Variants in MROH2B observed in about 807,000 individuals in gnomAD.
MROH2B encodes the protein maestro heat-like repeat-containing protein family member 2B.
A neutral mutation model predicts 208.6 loss-of-function variants in MROH2B; 177 were observed. That is an observed-to-expected ratio of 0.85 (90% confidence interval 0.75 to 0.96). MROH2B has a LOEUF of 0.96. MROH2B is among the 40% of genes least tolerant of loss of function. MROH2B has a pLI of 0.00. For missense variants in MROH2B, 2,002 were observed against 1,878.7 expected (o/e 1.07, Z -1.21); for synonymous variants, 728 against 659.0 (o/e 1.10, Z -1.60).
chr5:41,010,287 T>C (rs1163560996), intron 30 of MROH2B, among the ~76,000 whole-genome samples: 1 of 152,238 alleles, frequency 6.6e-6, no homozygotes, highest in Non-Finnish European at 1.5e-5. Context: ...GGAAACATTT[T>C]GTGAAAGGGT....
Position 41,012,759 on chromosome 5 carries a change from C to T in MROH2B, c.2983-24G>A, listed in dbSNP as rs777349984. On this transcript the variant is annotated intron_variant, in intron 29 of 41. Coordinates refer to ENST00000399564, the MANE Select transcript of MROH2B (RefSeq NM_173489.5). ...ATCTGAAAATGCACCCAGAAAGATT[C>T]GTGTAATCAACCACCCCATTTTATA... 21 of 1,612,096 alleles carry T rather than the reference C, an allele frequency of 1.3e-5. No individual in the cohort carries two copies. In the East Asian group the frequency reaches 2.5e-4, roughly 19 times the overall value.
chr5:41,048,287 G>C, intron 16 of MROH2B, 37 bp downstream of exon 16: 1 of 1,561,364 alleles, frequency 6.4e-7, no homozygotes, highest in Non-Finnish European at 8.6e-7. Flanking sequence ...TTATGTTCTT[G>C]CCCCCTGGGT....
chr5:41,041,173 A>C (rs1047108354), intron 19 of MROH2B, among the ~76,000 whole-genome samples: 1 of 152,250 alleles, frequency 6.6e-6, no homozygotes, highest in African/African-American at 2.4e-5. Flanking sequence ...TCAAAAGTTC[A>C]GTAAAGTCTA....
intron 6 of MROH2B, among the ~76,000 whole-genome samples, chr5:41,059,798 C>T (rs192557958): frequency 6.6e-6 from 1 of 152,198 alleles, no homozygotes; most frequent in East Asian, 1.9e-4. Flanking sequence ...ATATTGATGC[C>T]CTCCAGAACT....
intron 24 of MROH2B, among the ~76,000 whole-genome samples, chr5:41,030,906 A>G (rs1038137950): frequency 2.0e-5 from 3 of 152,130 alleles, no homozygotes; most frequent in Admixed American, 6.6e-5. Flanking sequence ...TTATTTTGCC[A>G]CAATTAAACA....
intron 35 of MROH2B, 199 bp downstream of exon 35, chr5:41,005,332 T>G: frequency 1.8e-6 from 1 of 555,952 alleles, no homozygotes; most frequent in East Asian, 2.8e-5. Flanking sequence ...GGGCAGGAGG[T>G]GGGTGAGGTG....
rs373853650 is a variant in MROH2B at position 41,015,387 on chromosome 5, T to G, written c.2976A>C (p.Ile992=). 122 of 1,613,238 alleles carry G rather than the reference T, an allele frequency of 7.6e-5. No homozygotes were observed. Among genetic ancestry groups the G allele is most frequent in the Non-Finnish European group, 9.9e-5 (117 of 1,179,546 alleles). ...GCCACTCCATATTTATTACCTTAGC[T>G]ATTTTAGAAGAAATCTTGATCTGAA... The part of the protein sequence containing the change: ...VQVQIKISSK[I]AKIVSKFIPN... The change falls in exon 29 of 42, where the codon ATA becomes ATC. Residue 992 remains isoleucine, a synonymous_variant. Transcript: ENST00000399564.
intron 30 of MROH2B, among the ~76,000 whole-genome samples, chr5:41,010,955 G>A (rs1014599138): frequency 6.6e-6 from 1 of 152,134 alleles, no homozygotes; most frequent in Non-Finnish European, 1.5e-5. Flanking sequence ...TAAAAATCAC[G>A]GGAACATGGG....
chr5:41,038,852 C>A lies in MROH2B; in HGVS notation c.2098G>T (p.Asp700Tyr), dbSNP rs774331511. The A allele has an allele frequency of 5.6e-6, 9 of 1,612,416 alleles. No individual in the cohort carries two copies. Among genetic ancestry groups the A allele is most frequent in the Non-Finnish European group, 7.6e-6 (9 of 1,179,282 alleles). Residue 700 changes from aspartate to tyrosine, a missense_variant, in exon 21 of 42, where the codon GAT becomes TAT. Coordinates refer to ENST00000399564, the MANE Select transcript of MROH2B (RefSeq NM_173489.5). ...ACTGCTCCATAGATGACCATGACAT[C>A]TGTCTTGGTCAGGCTCTTTTTCCCA... ...FSGKKSLTKT[D>Y]VMVIYGAVAL...
chr5:41,004,790 G>T lies in MROH2B; in HGVS notation c.3995C>A (p.Ser1332Tyr). 1 of 1,613,818 alleles carries T rather than the reference G, an allele frequency of 6.2e-7. No individual in the cohort carries two copies. The highest frequency in any genetic ancestry group is 8.5e-7 in the Non-Finnish European group (1 of 1,179,852). ...MAIRGLGNTASGAPHKVKKHK... is the reference protein window; with the variant it reads ...MAIRGLGNTAYGAPHKVKKHK... ...GCCTTTTACCTTGTGAGGAGCCCCG[G>T]ATGCTGTGTTGCCGAGCCCTCGGAT... Residue 1332 changes from serine to tyrosine, a missense_variant, in exon 36 of 42, where the codon TCC becomes TAC. Coordinates refer to ENST00000399564, the MANE Select transcript of MROH2B (RefSeq NM_173489.5).
At chr5:41,019,300 T>C (rs193174253) in intron 24 of MROH2B, among the ~76,000 whole-genome samples, 23 of 152,174 alleles carry the variant, frequency 1.5e-4, no homozygotes, top group African/African-American at 5.3e-4. Context: ...ATATGATCTG[T>C]GACAGCATTA....
chr5:41,007,703 A>T (rs1000751440), intron 33 of MROH2B, among the ~76,000 whole-genome samples: 5 of 152,212 alleles, frequency 3.3e-5, no homozygotes, highest in Non-Finnish European at 5.9e-5. Context: ...AAAATAGGCC[A>T]TAAGAATAAA....
Position 41,049,437 on chromosome 5 carries a change from C to T in MROH2B, c.1345-1G>A, listed in dbSNP as rs1743221911. ...AAGTCAGGATCCTTGGCCATAGCAC[C>T]TGTGGAAAACAGGGCATGATGCAAG... On this transcript the variant is annotated splice_acceptor_variant, in intron 13 of 41. Transcript: ENST00000399564. LOFTEE classifies it high-confidence loss of function. The T allele has an allele frequency of 1.2e-6, 2 of 1,609,404 alleles. No homozygotes were observed. Among genetic ancestry groups the T allele is most frequent in the Non-Finnish European group, 1.7e-6 (2 of 1,178,444 alleles).
At chr5:41,030,559 A>G (rs957559946) in intron 24 of MROH2B, among the ~76,000 whole-genome samples, 1 of 152,126 alleles carries the variant, frequency 6.6e-6, no homozygotes, top group Non-Finnish European at 1.5e-5. Context: ...AAAGCAATAT[A>G]CATATTCAAT....
chr5:41,038,932 G>A (rs1422182764), intron 20 of MROH2B, 44 bp from the exon 21 acceptor site: 1 of 1,545,806 alleles, frequency 6.5e-7, no homozygotes, highest in South Asian at 1.2e-5. Context: ...GACTGAAGGA[G>A]TTCTATTTTC....
At position 41,038,782 on chromosome 5, in the gene MROH2B, T is replaced by C. The variant is rs1742847653; in HGVS notation, c.2168A>G (p.Gln723Arg). 1 of 1,613,514 alleles carries C rather than the reference T, an allele frequency of 6.2e-7. No homozygotes were observed. Among genetic ancestry groups the C allele is most frequent in the Non-Finnish European group, 8.5e-7 (1 of 1,179,632 alleles). Residue 723 changes from glutamine (Q) to arginine (R), a missense_variant, in exon 21 of 42, where the codon CAA (glutamine) becomes CGA (arginine). Gln to Arg is a conservative substitution (Grantham distance 43). Transcript: ENST00000399564. ...PKKQLLSRLN[Q>R]DIISQVLSLH... ...AGACAGGACTTGGGATATGATATCT[T>C]GATTAAGTCTGGAGAGAAGTTGCTT...
chr5:41,033,707 T>G, intron 22 of MROH2B, 131 bp downstream of exon 22: 2 of 708,282 alleles, frequency 2.8e-6, no homozygotes, highest in Non-Finnish European at 4.6e-6. Context: ...AGAATTGGAT[T>G]GTTACATGTT....
chr5:41,008,816 G>A (rs1296467244), intron 32 of MROH2B, 23 bp from the exon 33 acceptor site: 1 of 1,592,404 alleles, frequency 6.3e-7, no homozygotes, highest in Non-Finnish European at 8.6e-7. Context: ...AGGGCCTCTT[G>A]GTCAGGCAGT....
intron 17 of MROH2B, among the ~76,000 whole-genome samples, chr5:41,046,127 A>C (rs1261173205): frequency 1.3e-5 from 2 of 151,804 alleles, no homozygotes; most frequent in Non-Finnish European, 2.9e-5. Context: ...TAAAAGACCT[A>C]AAATATAAAC....
Sources: allele counts gnomAD v4.1 joint callset (sites outside exome capture counted in the v4.1 genomes callset), GRCh38; gene constraint gnomAD v4.1.1; transcripts MANE v1.5; gene names NCBI Gene and HGNC (gene_info 2026-07-23, HGNC 2026-07-21).